Variants in FBP2 observed in about 807,000 individuals in gnomAD.
The protein encoded by FBP2 is fructose-1,6-bisphosphatase isozyme 2.
Under a neutral mutation model 31.6 loss-of-function variants are expected in FBP2, and 27 were observed. The ratio of observed to expected loss-of-function variants is 0.85; its 90% CI spans 0.63 to 1.18. The LOEUF (loss-of-function observed/expected upper bound fraction) is 1.18. Among genes scored for constraint, FBP2 ranks in the 50% most tolerant of loss-of-function variants. The probability of loss-of-function intolerance (pLI) is 0.00; values close to 1 mark genes in which losing one functional copy is unlikely to be tolerated. For missense variants in FBP2, 421 were observed against 436.1 expected (o/e 0.97, Z 0.31); for synonymous variants, 168 against 179.8 (o/e 0.93, Z 0.53).
intron 5 of FBP2, among the ~76,000 whole-genome samples, chr9:94,566,958 C>CTTAGA (rs59395125): frequency 0.48 from 73,134 of 151,544 alleles, 18,225 homozygotes; most frequent in African/African-American, 0.6. Flanking sequence ...TAGGTTGGAG[C>CTTAGA]TTAAACAAAT....
At chr9:94,570,712 T>C (rs1393193479) in intron 4 of FBP2, 1 of 152,200 alleles carries the variant, frequency 6.6e-6, no homozygotes, top group Non-Finnish European at 1.5e-5. Context: ...GTGAAAAGAT[T>C]CTATTTGAAA....
At chr9:94,590,567 G>A (rs773399938) in intron 1 of FBP2, among the ~76,000 whole-genome samples, 1 of 152,176 alleles carries the variant, frequency 6.6e-6, no homozygotes, top group Non-Finnish European at 1.5e-5. Flanking sequence ...ATCTGGAGTT[G>A]TTCGTTCCTC....
Position 94,584,606 on chromosome 9 carries a change from T to G in FBP2, c.397A>C (p.Ile133Leu), listed in dbSNP as rs144384132. ...CTATAGATGGCAAAGATGGTTCCGA[T>G]GGAGGCCAGGCAGTCAATATTGGAA... ...GSSNIDCLAS[I>L]GTIFAIYRKT... The change falls in exon 3 of 7, where the codon ATC becomes CTC. Residue 133 changes from isoleucine (I) to leucine (L), a missense_variant. By Grantham distance (5) the Ile-to-Leu change is conservative. Transcript: ENST00000375337. The G allele has an allele frequency of 1.2e-6, 2 of 1,613,392 alleles. No individual in the cohort carries two copies. Among genetic ancestry groups the G allele is most frequent in the Admixed American group, 3.3e-5 (2 of 59,998 alleles).
intron 2 of FBP2, 76 bp from the exon 3 acceptor site, chr9:94,584,745 G>T: frequency 1.2e-6 from 1 of 865,088 alleles, no homozygotes; most frequent in Non-Finnish European, 2.0e-6. Context: ...AGGGCTGTGC[G>T]TGGCAGAGTA....
rs563318906 is a variant in FBP2, at chr9:94,580,241, G to T, written c.426+4336C>A. On this transcript the variant is annotated intron_variant, in intron 3 of 6. Transcript: ENST00000375337. ...GTTCTGTATTGCCTTTTATTTGTTT[G>T]TTTGTTTGAGACAGAATCTTGCTCT... 4.6e-5 allele frequency among the ~76,000 whole-genome samples: 7 copies of T among 152,176 alleles called. No individual in the cohort carries two copies. In the East Asian group the frequency reaches 1.3e-3, roughly 29 times the overall value.
At chr9:94,581,260 T>C (rs1388639747) in intron 3 of FBP2, among the ~76,000 whole-genome samples, 1 of 152,148 alleles carries the variant, frequency 6.6e-6, no homozygotes, top group Non-Finnish European at 1.5e-5. Context: ...GCCAGTCTTA[T>C]GGGATCAAAT....
At chr9:94,587,993 C>A (rs1013249235) in intron 1 of FBP2, among the ~76,000 whole-genome samples, 1 of 152,130 alleles carries the variant, frequency 6.6e-6, no homozygotes, top group Non-Finnish European at 1.5e-5. Flanking sequence ...GGACTACAGG[C>A]GCCCGCCACC....
At position 94,584,626 on chromosome 9, in the gene FBP2, T is replaced by C. The variant is rs1483217737; in HGVS notation, c.377A>G (p.Asn126Ser). The part of the protein sequence containing the change: ...VCFDPLDGSS[N>S]IDCLASIGTI... ...TCCGATGGAGGCCAGGCAGTCAATA[T>C]TGGAAGATCCATCCAGTGGGTCAAA... Residue 126 changes from asparagine to serine, a missense_variant, in exon 3 of 7, where the codon AAT (asparagine) becomes AGT (serine). By Grantham distance (46) the Asn-to-Ser change is conservative. Transcript: ENST00000375337. The C allele has an allele frequency of 1.2e-6, 2 of 1,614,006 alleles. No homozygotes were observed. The highest frequency in any genetic ancestry group is 1.7e-6 in the Non-Finnish European group (2 of 1,179,862).
intron 5 of FBP2, among the ~76,000 whole-genome samples, chr9:94,566,002 T>G (rs181679620): frequency 4.6e-5 from 7 of 152,306 alleles, no homozygotes; most frequent in Admixed American, 2.6e-4. Context: ...AGCCACAGTT[T>G]TAGCAGAAAA....
At chr9:94,580,360 G>A (rs1827361959) in intron 3 of FBP2, among the ~76,000 whole-genome samples, 1 of 152,120 alleles carries the variant, frequency 6.6e-6, no homozygotes, top group African/African-American at 2.4e-5. Flanking sequence ...CCTCTCAAGT[G>A]GCTGGTCCAA....
intron 5 of FBP2, among the ~76,000 whole-genome samples, chr9:94,564,739 A>G (rs1827161532): frequency 6.6e-6 from 1 of 152,198 alleles, no homozygotes; most frequent in Non-Finnish European, 1.5e-5. Context: ...GAGACAAACA[A>G]TCTATACAGC....
At chr9:94,569,202 G>A (rs986198543) in intron 4 of FBP2, 1 of 152,248 alleles carries the variant, frequency 6.6e-6, no homozygotes, top group African/African-American at 2.4e-5. Context: ...GCTTGAAAAT[G>A]AGATACGCCT....
At chr9:94,570,691 T>C (rs552685070) in intron 4 of FBP2, 7 of 152,342 alleles carry the variant, frequency 4.6e-5, no homozygotes, top group East Asian at 3.9e-4. Flanking sequence ...CTTGGTCTAA[T>C]GGGCATACAG....
At position 94,567,256 on chromosome 9, in the gene FBP2, C is replaced by T. The variant is rs756071228; in HGVS notation, c.705+14G>A. ...AGCATTCTGTCTGCCACCCACCTGGCTTTCTTCACTCACCTCAGGGAATTT... is the reference window on the plus strand; with the variant it reads ...AGCATTCTGTCTGCCACCCACCTGGTTTTCTTCACTCACCTCAGGGAATTT... On this transcript the variant is annotated intron_variant, in intron 5 of 6. Transcript: ENST00000375337. The T allele has an allele frequency of 6.2e-6, 10 of 1,613,992 alleles. No homozygotes were observed. The highest frequency in any genetic ancestry group is 3.3e-5 in the South Asian group (3 of 91,058).
At chr9:94,563,652 G>A (rs182564590) in intron 5 of FBP2, among the ~76,000 whole-genome samples, 191 bp from the exon 6 acceptor site, 1 of 152,226 alleles carries the variant, frequency 6.6e-6, no homozygotes, top group Admixed American at 6.5e-5. Context: ...ACCTTACCTT[G>A]TGACTGGACT....
intron 1 of FBP2, among the ~76,000 whole-genome samples, chr9:94,590,617 T>G (rs1211468358): frequency 6.6e-6 from 1 of 152,200 alleles, no homozygotes; most frequent in African/African-American, 2.4e-5. Flanking sequence ...GAAGTGAAGC[T>G]GCAGATCTTC....
chr9:94,563,282 G>A lies in FBP2; in HGVS notation c.825+60C>T, dbSNP rs117196517. 290 of 1,583,692 alleles carry A rather than the reference G, an allele frequency of 1.8e-4. No homozygotes were observed. In the East Asian group the frequency reaches 3.4e-3, roughly 18 times the overall value. On this transcript the variant is annotated intron_variant, in intron 6 of 6. Transcript: ENST00000375337. ...GCAGTAGCCAAACAGCAGGTGTGACGGGAGGGAGCTCCCCCACCTCCCTGA... is the reference window on the plus strand; with the variant it reads ...GCAGTAGCCAAACAGCAGGTGTGACAGGAGGGAGCTCCCCCACCTCCCTGA...
Position 94,558,858 on chromosome 9 carries a change from A to T in FBP2, c.*80T>A. ...ATTTACCTTTTGTATACTCATAGCTACCATCTCTGTTTATCGTTCATTTAG... is the reference window on the plus strand; with the variant it reads ...ATTTACCTTTTGTATACTCATAGCTTCCATCTCTGTTTATCGTTCATTTAG... On this transcript the variant is annotated 3_prime_UTR_variant, in exon 7 of 7. Coordinates refer to ENST00000375337, the MANE Select transcript of FBP2 (RefSeq NM_003837.4). The T allele has an allele frequency of 7.6e-7, 1 of 1,317,190 alleles. No homozygotes were observed. Among genetic ancestry groups the T allele is most frequent in the Non-Finnish European group, 1.1e-6 (1 of 917,812 alleles). The allele number at this position is 1,317,190 out of a possible 1,614,324, so 81.6% of individuals were successfully genotyped here.
intron 5 of FBP2, among the ~76,000 whole-genome samples, chr9:94,566,435 A>G (rs10120467): frequency 0.18 from 27,894 of 152,316 alleles, 4,090 homozygotes; most frequent in African/African-American, 0.41. Context: ...GCTGCAGTTA[A>G]CCAGCCCAAC....
Sources: gnomAD v4.1 joint callset for allele counts (sites outside exome capture counted in the v4.1 genomes callset) on GRCh38, gnomAD v4.1.1 for gene constraint, MANE v1.5 for transcripts, NCBI Gene and HGNC (gene_info 2026-07-23, HGNC 2026-07-21) for gene names.